The following SVIL variants were observed in gnomAD, a reference collection of about 807,000 sequenced individuals.
SVIL encodes supervillin, also known as archvillin.
SVIL carries 101 observed loss-of-function variants against 240.4 expected under a neutral mutation model. That is an observed-to-expected ratio of 0.42 (90% CI 0.36 to 0.50). The LOEUF is 0.50. SVIL is among the 20% of genes least tolerant of loss of function. SVIL has a pLI of 0.01. For synonymous variants in SVIL, 999 were observed against 1,100.0 expected (o/e 0.91, Z 1.82); for missense variants, 2,512 against 2,818.7 (o/e 0.89, Z 2.46).
chr10:29,577,561 C>T (rs773023351), intron 1 of SVIL, among the ~76,000 whole-genome samples: 1 of 152,192 alleles, frequency 6.6e-6, no homozygotes, highest in Non-Finnish European at 1.5e-5. Flanking sequence ...ATATATACCA[C>T]ATTTTCTTTA....
chr10:29,585,493 A>AT (rs1956129088), intron 1 of SVIL, among the ~76,000 whole-genome samples: 2 of 152,056 alleles, frequency 1.3e-5, no homozygotes, highest in East Asian at 1.9e-4. Flanking sequence ...CCGCCAAACT[A>AT]TTTTTTTAAC....
rs192897559 is a variant in SVIL, at chr10:29,599,380, C to A, written c.-200-30068G>T. Among the ~76,000 whole-genome samples the A allele has an allele frequency of 7.7e-5, 11 of 143,744 alleles. No individual in the cohort carries two copies. In the East Asian group the frequency reaches 2.1e-3, roughly 28 times the overall value. 94.3% of individuals were successfully genotyped at this position (143,744 alleles called of 152,430 possible). On this transcript the variant is annotated intron_variant, in intron 1 of 37. Coordinates refer to ENST00000355867, the MANE Select transcript of SVIL (RefSeq NM_021738.3). Reference sequence around the variant, plus strand: ...AATGTTGTTTTCTTTCTTTTATTTGCCCTCCATTTTTTTTTGTTCAGTCTT... The same window carrying A: ...AATGTTGTTTTCTTTCTTTTATTTGACCTCCATTTTTTTTTGTTCAGTCTT...
At chr10:29,507,099 G>T (rs547361144) in intron 17 of SVIL, among the ~76,000 whole-genome samples, 62 of 152,216 alleles carry the variant, frequency 4.1e-4, no homozygotes, top group Admixed American at 6.5e-4. Flanking sequence ...GAGGGAAGAG[G>T]CAGGGGGCCC....
chr10:29,530,817 A>G, intron 10 of SVIL, 149 bp from the exon 11 acceptor site: 1 of 885,962 alleles, frequency 1.1e-6, no homozygotes, highest in Non-Finnish European at 1.8e-6. Flanking sequence ...CCTTGCAGGG[A>G]GCCCATTCTT....
At chr10:29,489,568 G>C (rs1299310790) in intron 22 of SVIL, among the ~76,000 whole-genome samples, 1 of 152,160 alleles carries the variant, frequency 6.6e-6, no homozygotes, top group Non-Finnish European at 1.5e-5. Flanking sequence ...TTGTTGTTGA[G>C]AAAGGGTGTG....
chr10:29,538,010 G>T (rs114790446), intron 6 of SVIL, among the ~76,000 whole-genome samples: 1,536 of 152,298 alleles, frequency 0.01, 29 homozygotes, highest in African/African-American at 0.035. Context: ...TTGGCGCATC[G>T]CCTGCAGCCA....
chr10:29,474,308 C>T lies in SVIL; in HGVS notation c.5378-319G>A, dbSNP rs561903819. On this transcript the variant is annotated intron_variant, in intron 29 of 37. Coordinates refer to ENST00000355867, the MANE Select transcript of SVIL (RefSeq NM_021738.3). ...CTCCAAGTGTGCAACAGAGTAATTTCTTCAAAATATTTGGTGAGGCCAGGT... is the reference window on the plus strand; with the variant it reads ...CTCCAAGTGTGCAACAGAGTAATTTTTTCAAAATATTTGGTGAGGCCAGGT... Among the ~76,000 whole-genome samples the T allele has an allele frequency of 9.2e-5, 14 of 152,302 alleles. No individual in the cohort carries two copies. In the South Asian group the frequency reaches 1.9e-3, roughly 20 times the overall value.
chr10:29,610,126 G>T (rs1036886806), intron 1 of SVIL, among the ~76,000 whole-genome samples: 1 of 152,062 alleles, frequency 6.6e-6, no homozygotes, highest in African/African-American at 2.4e-5. Flanking sequence ...GCCAATCTGG[G>T]TAGTTTGTCC....
chr10:29,505,904 A>C (rs191465196), intron 17 of SVIL, among the ~76,000 whole-genome samples: 114 of 152,284 alleles, frequency 7.5e-4, no homozygotes, highest in African/African-American at 2.6e-3. Flanking sequence ...GACCTCCTAG[A>C]GATACCAAAA....
rs751684150 is a variant in SVIL at position 29,550,796 on chromosome 10, C to G, written c.628G>C (p.Glu210Gln). 1.6e-5 allele frequency: 26 copies of G among 1,614,010 alleles called. No homozygotes were observed. Among genetic ancestry groups the G allele is most frequent in the Non-Finnish European group, 2.1e-5 (25 of 1,180,040 alleles). Residue 210 changes from glutamate (E) to glutamine (Q), a missense_variant, in exon 6 of 38, where the codon GAG (glutamate) becomes CAG (glutamine). By Grantham distance (29) the Glu-to-Gln change is conservative. Around this residue, in one of 3 missense-constraint regions of SVIL, gnomAD observed 1,443 missense variants for 1,486.6 expected, o/e 0.97. Transcript: ENST00000355867. ...TGGGCCTGCCGGGTGGCACTCAGCT[C>G]TTGACCTCGTCTTTGGTTTTCTATG... is the stretch of plus-strand genomic sequence containing the variant. The part of the protein sequence containing the change: ...LNIENQRRGQ[E>Q]LSATRQAHDL...
At chr10:29,573,693 C>T (rs955432608) in intron 1 of SVIL, among the ~76,000 whole-genome samples, 7 of 150,468 alleles carry the variant, frequency 4.7e-5, no homozygotes, top group Non-Finnish European at 8.8e-5. Context: ...CAGAGAAATT[C>T]TAAGTTGTGA....
chr10:29,531,111 A>C (rs1951330179), intron 10 of SVIL, 143 bp downstream of exon 10: 1 of 748,368 alleles, frequency 1.3e-6, no homozygotes, highest in South Asian at 1.9e-5. Flanking sequence ...AGATTTTATC[A>C]TATCCACAGA....
chr10:29,593,105 A>T (rs911739156), intron 1 of SVIL, among the ~76,000 whole-genome samples: 2 of 152,206 alleles, frequency 1.3e-5, no homozygotes, highest in African/African-American at 4.8e-5. Flanking sequence ...TATGTTTAAA[A>T]TTTTTTGATA....
At position 29,734,496 on chromosome 10, in the gene SVIL, G is replaced by A. The variant is rs569944380; in HGVS notation, c.-400+1255C>T. Reference sequence around the variant, plus strand: ...TCTTTAAGCCTCAGTTTCCTCATCTGTGAAACAGAAATAACCTCCTGGGAA... The same window carrying A: ...TCTTTAAGCCTCAGTTTCCTCATCTATGAAACAGAAATAACCTCCTGGGAA... On this transcript the variant is annotated intron_variant, in intron 1 of 35. Transcript: ENST00000375400. Among the ~76,000 whole-genome samples the A allele has an allele frequency of 6.1e-4, 93 of 152,330 alleles. 1 individual carries two copies. Among genetic ancestry groups the A allele is most frequent in the African/African-American group, 2.1e-3 (89 of 41,568 alleles).
chr10:29,551,195 T>C lies in SVIL; in HGVS notation c.229A>G (p.Thr77Ala). The C allele has an allele frequency of 8.7e-6, 14 of 1,613,556 alleles. No homozygotes were observed. Among genetic ancestry groups the C allele is most frequent in the Non-Finnish European group, 1.2e-5 (14 of 1,179,878 alleles). Residue 77 changes from threonine (T) to alanine (A), a missense_variant, in exon 6 of 38, where the codon ACA becomes GCA. Coordinates refer to ENST00000355867, the MANE Select transcript of SVIL (RefSeq NM_021738.3). ...LEKQTRSKYC[T>A]ETSGVHGDSP... ...TCACCGTGGACACCGGAGGTTTCTGTGCAGTATTTGGATCGAGTTTGCTTT... is the reference window on the plus strand; with the variant it reads ...TCACCGTGGACACCGGAGGTTTCTGCGCAGTATTTGGATCGAGTTTGCTTT...
intron 18 of SVIL, among the ~76,000 whole-genome samples, chr10:29,498,740 G>A (rs1199241107): frequency 1.3e-5 from 2 of 152,180 alleles, no homozygotes; most frequent in African/African-American, 2.4e-5. Context: ...CAGCTACTTA[G>A]GAGGCTGAGG....
At chr10:29,492,660 T>C (rs1948082572) in intron 21 of SVIL, among the ~76,000 whole-genome samples, 1 of 152,170 alleles carries the variant, frequency 6.6e-6, no homozygotes, top group Admixed American at 6.5e-5. Flanking sequence ...ATAATCACTT[T>C]TCCTAGTTGG....
At chr10:29,677,412 A>G (rs1148209) in intron 2 of SVIL, among the ~76,000 whole-genome samples, 106,991 of 151,906 alleles carry the variant, frequency 0.7, 37,694 homozygotes, top group East Asian at 0.83. Flanking sequence ...GCTGCTCGGA[A>G]TAACACCTGG....
intron 17 of SVIL, among the ~76,000 whole-genome samples, chr10:29,502,276 A>T (rs986978153): frequency 3.3e-4 from 50 of 152,220 alleles, no homozygotes; most frequent in African/African-American, 1.2e-3. Context: ...GGTGTAAAGC[A>T]TATACAGTTT....
Sources: allele counts gnomAD v4.1 joint callset (sites outside exome capture counted in the v4.1 genomes callset), GRCh38; gene constraint gnomAD v4.1.1; regional missense constraint gnomAD v4.1.1; transcripts MANE v1.5; gene names NCBI Gene and HGNC (gene_info 2026-07-23, HGNC 2026-07-21).